The following NYX variants were observed in gnomAD, a reference collection of about 807,000 sequenced individuals.
NYX encodes the protein leucine-rich repeat protein.
For missense variants in NYX, 481 were observed against 485.4 expected, an observed-to-expected ratio of 0.99 and a Z score of 0.09; for synonymous variants, 258 against 245.7, an observed-to-expected ratio of 1.05 and a Z score of -0.47.
chrX:41,463,020 CTT>C (rs141776626), intron 2 of NYX, among the ~76,000 whole-genome samples: 2 of 108,707 alleles, frequency 1.8e-5, no homozygotes, highest in Non-Finnish European at 3.8e-5. Flanking sequence ...TTCTCTCTCT[CTT>C]TTTTTTTGTC....
At chrX:41,470,155 A>G (rs950950778) in intron 2 of NYX, among the ~76,000 whole-genome samples, 1 of 108,930 alleles carries the variant, frequency 9.2e-6, no homozygotes, top group East Asian at 2.9e-4. Context: ...TTCATTCCCA[A>G]TCTCCTGCTC....
At chrX:41,461,382 C>CAT (rs60185443) in intron 2 of NYX, among the ~76,000 whole-genome samples, 24,922 of 100,981 alleles carry the variant, frequency 0.25, 2,678 homozygotes, top group Middle Eastern at 0.35. Context: ...AATATTCCGT[C>CAT]ATATATATAT....
chrX:41,466,512 G>T (rs1178514979), intron 2 of NYX, among the ~76,000 whole-genome samples: 1 of 110,342 alleles, frequency 9.1e-6, no homozygotes, highest in African/African-American at 3.3e-5. Context: ...TTGAAGGGTT[G>T]CATCGACTCT....
rs1402971385 is a variant in NYX at position 41,474,103 on chromosome X, G to A, written c.635G>A (p.Arg212His). 2.7e-6 allele frequency: 3 copies of A among 1,103,042 alleles called. No homozygotes were observed. Among genetic ancestry groups the A allele is most frequent in the Non-Finnish European group, 3.5e-6 (3 of 848,213 alleles). The allele number at this position is 1,103,042 out of a possible 1,213,427, so 90.9% of individuals were successfully genotyped here. The change falls in exon 3 of 3, where the codon CGC (arginine) becomes CAC (histidine). Residue 212 changes from arginine (R) to histidine (H), a missense_variant. Arg to His is a conservative substitution (Grantham distance 29, BLOSUM62 0). Coordinates refer to ENST00000378220, the MANE Select transcript of NYX (RefSeq NM_001378477.3). Reference protein sequence around the residue: ...RLRSLSLQANRVRAVHAGAFG... With the variant: ...RLRSLSLQANHVRAVHAGAFG... ...CGCTCGCTCAGCCTGCAGGCCAACC[G>A]CGTCCGTGCCGTGCACGCTGGCGCC...
At chrX:41,463,512 T>A (rs1210646577) in intron 2 of NYX, among the ~76,000 whole-genome samples, 3 of 108,700 alleles carry the variant, frequency 2.8e-5, no homozygotes, top group Non-Finnish European at 5.7e-5. Flanking sequence ...AACCTCTGCC[T>A]CCTGGGTTCA....
At position 41,473,666 on chromosome X, in the gene NYX, G is replaced by A; in HGVS notation, c.198G>A (p.Arg66=). The change falls in exon 3 of 3, where the codon CGG becomes CGA. Residue 66 remains arginine (R), a synonymous_variant. Coordinates refer to ENST00000378220, the MANE Select transcript of NYX (RefSeq NM_001378477.3). ...AGGCGGTCTCCATCGACCTGGACCG[G>A]AACGGCCTGCGCTTCCTGGGCGAGC... ...PCEAVSIDLD[R]NGLRFLGERA... 1 of 1,114,360 alleles carries A rather than the reference G, an allele frequency of 9.0e-7. No homozygotes were observed. The highest frequency in any genetic ancestry group is 1.2e-6 in the Non-Finnish European group (1 of 852,326). 91.8% of individuals were successfully genotyped at this position (1,114,360 alleles called of 1,213,427 possible). A position where few individuals can be genotyped will look rare whatever the true frequency, so the allele number is the denominator to read the frequency against.
intron 2 of NYX, among the ~76,000 whole-genome samples, chrX:41,450,811 A>AAG (rs2064276509): frequency 2.9e-5 from 1 of 34,358 alleles, no homozygotes; most frequent in Admixed American, 5.3e-4. Flanking sequence ...ACACCTGGCT[A>AAG]ATATATATAT....
chrX:41,473,370 G>A lies in NYX; in HGVS notation c.23-121G>A, dbSNP rs182586995. 5,570 of 791,283 alleles carry A rather than the reference G, an allele frequency of 7.0e-3. 15 individuals are homozygous for A. The highest frequency in any genetic ancestry group is 0.018 in the South Asian group (273 of 15,491). The allele number at this position is 791,283 out of a possible 1,213,427, so 65.2% of individuals were successfully genotyped here. On this transcript the variant is annotated intron_variant, in intron 2 of 2. Coordinates refer to ENST00000378220, the MANE Select transcript of NYX (RefSeq NM_001378477.3). ...GTGCCTGACACAAGATAACTCGGTG[G>A]AGGGCCTGCATCCTGCTGCCCGGAC...
intron 2 of NYX, among the ~76,000 whole-genome samples, chrX:41,464,670 C>CATGTGTGTGTGTGTGTGTGT (rs779597303): frequency 1.5e-4 from 15 of 101,840 alleles, no homozygotes; most frequent in African/African-American, 5.4e-4. Flanking sequence ...ATGGGCCGTG[C>CATGTGTGTGTGTGTGTGTGT]GTGTGTGTGT....
chrX:41,472,493 TG>T, intron 2 of NYX: 1 of 687,689 alleles, frequency 1.5e-6, no homozygotes, highest in East Asian at 3.3e-5. Flanking sequence ...CCGCTGCTTC[TG>T]GGATTCCAAG....
chrX:41,467,177 C>T (rs146672584), intron 2 of NYX, among the ~76,000 whole-genome samples: 1,463 of 110,078 alleles, frequency 0.013, 27 homozygotes, highest in African/African-American at 0.045. Flanking sequence ...CTGATAGAAG[C>T]TACTCTGCCA....
chrX:41,466,787 CTTTTTTT>C (rs747247175), intron 2 of NYX, among the ~76,000 whole-genome samples: 3 of 20,500 alleles, frequency 1.5e-4, no homozygotes, highest in Non-Finnish European at 2.4e-4. Context: ...CCAGACTGGT[CTTTTTTT>C]TTTTTTTTTT....
At chrX:41,459,229 T>C (rs2064309428) in intron 2 of NYX, among the ~76,000 whole-genome samples, 2 of 112,010 alleles carry the variant, frequency 1.8e-5, no homozygotes, top group South Asian at 3.7e-4. Context: ...CCTGTAGATA[T>C]TTGCTGTCAT....
intron 2 of NYX, among the ~76,000 whole-genome samples, chrX:41,466,048 C>T (rs1246058092): frequency 9.0e-6 from 1 of 111,426 alleles, no homozygotes; most frequent in Non-Finnish European, 1.9e-5. Context: ...AATTTCCAGC[C>T]ACTGTGGCAG....
rs1371887457 is a variant in NYX, at chrX:41,448,489, GC to G, written c.22+565del. Among the ~76,000 whole-genome samples, 7 of 108,988 alleles carry G rather than the reference GC, an allele frequency of 6.4e-5. No homozygotes were observed. The East Asian group carries it at 2.0e-3, about 32-fold the overall frequency. The allele number at this position is 108,988 out of a possible 115,157, so 94.6% of individuals were successfully genotyped here. On this transcript the variant is annotated intron_variant, in intron 2 of 2. Transcript: ENST00000378220. ...GATCTCCTGACCTCGTGATCTGCCCGCCTCGGCCTCCCAAAGTGCTGGGATT... is the reference window on the plus strand; with the variant it reads ...GATCTCCTGACCTCGTGATCTGCCCGCTCGGCCTCCCAAAGTGCTGGGATT...
At position 41,474,853 on chromosome X, in the gene NYX, T is replaced by TGCCCAGCGTG; in HGVS notation, c.1393_1402dup (p.His468ArgfsTer23). 3 of 1,207,209 alleles carry TGCCCAGCGTG rather than the reference T, an allele frequency of 2.5e-6. No individual in the cohort carries two copies. Among genetic ancestry groups the TGCCCAGCGTG allele is most frequent in the South Asian group, 1.8e-5 (1 of 55,875 alleles). On this transcript the variant is annotated frameshift_variant, in exon 3 of 3. Transcript: ENST00000378220. LOFTEE classifies it low-confidence loss of function (END_TRUNC). ...TGGTTTCTCCTCGCCTCTTGTCTCCTGCCCAGCGTGGCCCAGCACGTGGTG... is the reference window on the plus strand; with the variant it reads ...TGGTTTCTCCTCGCCTCTTGTCTCCTGCCCAGCGTGGCCCAGCGTGGCCCAGCACGTGGTG...
At chrX:41,452,433 A>G (rs1332198741) in intron 2 of NYX, among the ~76,000 whole-genome samples, 1 of 111,993 alleles carries the variant, frequency 8.9e-6, no homozygotes, top group African/African-American at 3.2e-5. Context: ...CAGAAGCAGA[A>G]AAAATGCTTC....
intron 2 of NYX, among the ~76,000 whole-genome samples, chrX:41,459,637 G>T (rs2064311125): frequency 1.8e-5 from 2 of 110,007 alleles, no homozygotes; most frequent in Non-Finnish European, 3.8e-5. Flanking sequence ...AAAAAGAAAA[G>T]AAAAAAGAAA....
intron 1 of NYX, 60 bp downstream of exon 1, chrX:41,447,576 A>C: frequency 2.8e-6 from 1 of 352,481 alleles, no homozygotes; most frequent in Non-Finnish European, 5.0e-6. Context: ...CTCTCCATCC[A>C]TTTCCTTGCT....
Sources: allele counts gnomAD v4.1 joint callset (sites outside exome capture counted in the v4.1 genomes callset), GRCh38; gene constraint gnomAD v4.1.1; transcripts MANE v1.5; gene names NCBI Gene and HGNC (gene_info 2026-07-23, HGNC 2026-07-21).